The following IBTK variants were observed in gnomAD, a reference collection of about 807,000 sequenced individuals.
The protein encoded by IBTK is inhibitor of Bruton tyrosine kinase, also known as BTK-binding protein.
Under a neutral mutation model 154.9 loss-of-function variants are expected in IBTK, and 83 were observed. The observed-to-expected ratio is 0.54, with a 90% CI of 0.45 to 0.64. The LOEUF is 0.64. IBTK is among the 30% of genes least tolerant of loss of function. The pLI, the probability that IBTK is intolerant of heterozygous loss-of-function variation, is 0.00. For missense variants in IBTK, 1,332 were observed against 1,584.6 expected (o/e 0.84, Z 2.71); for synonymous variants, 515 against 536.1 (o/e 0.96, Z 0.54).
intron 26 of IBTK, among the ~76,000 whole-genome samples, chr6:82,176,307 G>T (rs368433207): frequency 6.6e-6 from 1 of 152,122 alleles, no homozygotes; most frequent in South Asian, 2.1e-4. Context: ...GATCACCTGA[G>T]GTCAGGAGTT....
rs1356588002 is a variant in IBTK at position 82,170,085 on chromosome 6, A to G, written c.*1340T>C. On this transcript the variant is annotated 3_prime_UTR_variant, in exon 29 of 29. Coordinates refer to ENST00000306270, the MANE Select transcript of IBTK (RefSeq NM_015525.4). ...CACATACAAAAATTCACAAGTTCAT[A>G]TTTAGAAAACTGCCTTTTTAAATCC... 6.6e-6 allele frequency: 1 copy of G among 152,260 alleles called. No homozygotes were observed. Among genetic ancestry groups the G allele is most frequent in the Non-Finnish European group, 1.5e-5 (1 of 68,048 alleles). 9.4% of individuals were successfully genotyped at this position (152,260 alleles called of 1,614,324 possible).
chr6:82,175,111 T>A (rs1413117011), intron 26 of IBTK: 2 of 375,832 alleles, frequency 5.3e-6, no homozygotes, highest in African/African-American at 4.2e-5. Context: ...TTCATCTTTG[T>A]ATCTCAGTGT....
intron 15 of IBTK, 124 bp from the exon 16 acceptor site, chr6:82,211,034 A>G: frequency 2.1e-6 from 1 of 485,540 alleles, no homozygotes. Flanking sequence ...CAAAACATAA[A>G]ATTTACAAAA....
Position 82,247,711 on chromosome 6 carries a change from T to G in IBTK, c.-507A>C. On this transcript the variant is annotated 5_prime_UTR_variant, in exon 1 of 29. Coordinates refer to ENST00000306270, the MANE Select transcript of IBTK (RefSeq NM_015525.4). ...GGGTCAGTTCGGCAGGCGGCTGCAATACAGCCGCTACTACAGGAATCGGGA... is the reference window on the plus strand; with the variant it reads ...GGGTCAGTTCGGCAGGCGGCTGCAAGACAGCCGCTACTACAGGAATCGGGA... 1 of 398,180 alleles carries G rather than the reference T, an allele frequency of 2.5e-6. No homozygotes were observed. Among genetic ancestry groups the G allele is most frequent in the Admixed American group, 4.4e-5 (1 of 22,708 alleles). The allele number at this position is 398,180 out of a possible 1,614,324, so 24.7% of individuals were successfully genotyped here. A position where few individuals can be genotyped will look rare whatever the true frequency, so the allele number is the denominator to read the frequency against.
At chr6:82,236,082 C>A (rs766017976) in intron 2 of IBTK, among the ~76,000 whole-genome samples, 1 of 152,188 alleles carries the variant, frequency 6.6e-6, no homozygotes, top group Non-Finnish European at 1.5e-5. Flanking sequence ...CCATGTTGCC[C>A]AGGCTGGTTT....
rs1769861596 is a variant in IBTK, at chr6:82,216,099, G to C, written c.1578C>G (p.Ile526Met). 1.2e-6 allele frequency: 2 copies of C among 1,609,536 alleles called. No individual in the cohort carries two copies. Among genetic ancestry groups the C allele is most frequent in the Non-Finnish European group, 1.7e-6 (2 of 1,178,800 alleles). The change falls in exon 11 of 29, where the codon ATC (isoleucine) becomes ATG (methionine). Residue 526 changes from isoleucine to methionine, a missense_variant. Around this residue, in one of 3 missense-constraint regions of IBTK, gnomAD observed 1,134 missense variants for 1,274.7 expected, o/e 0.89. Coordinates refer to ENST00000306270, the MANE Select transcript of IBTK (RefSeq NM_015525.4). ...STDPSGCNFA[I>M]LQSDPKTSLY... ...ACCTTGTTTTAGGATCTGACTGCAG[G>C]ATTGCAAAGTTGCATCCACTTGGAT... is the stretch of plus-strand genomic sequence containing the variant.
At chr6:82,195,864 T>C (rs1490517624) in intron 22 of IBTK, among the ~76,000 whole-genome samples, 2 of 152,178 alleles carry the variant, frequency 1.3e-5, no homozygotes, top group African/African-American at 4.8e-5. Flanking sequence ...TCAAATCATT[T>C]CCAAATTGTT....
chr6:82,223,561 G>C lies in IBTK; in HGVS notation c.1003C>G (p.Leu335Val). The change falls in exon 8 of 29, where the codon CTT (leucine) becomes GTT (valine). Residue 335 changes from leucine (L) to valine (V), a missense_variant. Leu to Val is a conservative substitution (Grantham distance 32, BLOSUM62 1). Transcript: ENST00000306270. ...CVTAPRQVSA[L>V]HHKDIALSLV... ...GACAGAGCAATGTCTTTATGGTGAA[G>C]GGCAGAGACCTGACGAGGAGCAGTT... 2 of 1,614,100 alleles carry C rather than the reference G, an allele frequency of 1.2e-6. No homozygotes were observed. Among genetic ancestry groups the C allele is most frequent in the Non-Finnish European group, 1.7e-6 (2 of 1,179,936 alleles).
rs376172634 is a variant in IBTK at position 82,240,449 on chromosome 6, C to A, written c.38G>T (p.Arg13Leu). 2 of 1,613,874 alleles carry A rather than the reference C, an allele frequency of 1.2e-6. No homozygotes were observed. The highest frequency in any genetic ancestry group is 1.7e-6 in the Non-Finnish European group (2 of 1,180,010). Residue 13 changes from arginine (R) to leucine (L), a missense_variant, in exon 2 of 29, where the codon CGA becomes CTA. Coordinates refer to ENST00000306270, the MANE Select transcript of IBTK (RefSeq NM_015525.4). Reference sequence around the variant, plus strand: ...GACATCCAAAGCATGCTTCAGGGATCGACACTTTGATGTGCAGTCAGGCAT... The same window carrying A: ...GACATCCAAAGCATGCTTCAGGGATAGACACTTTGATGTGCAGTCAGGCAT... Reference protein sequence around the residue: ...SPMPDCTSKCRSLKHALDVLS... With the variant: ...SPMPDCTSKCLSLKHALDVLS...
At position 82,240,223 on chromosome 6, in the gene IBTK, T is replaced by C. The variant is rs774359343; in HGVS notation, c.264A>G (p.Thr88=). 2.5e-6 allele frequency: 4 copies of C among 1,614,252 alleles called. No homozygotes were observed. Among genetic ancestry groups the C allele is most frequent in the Non-Finnish European group, 3.4e-6 (4 of 1,180,034 alleles). The stretch of plus-strand genomic sequence containing the variant: ...CATAAAAAATGCTTCTGTGCAATGC[T>C]GTCCATCCAGACTCTTTGTCTTTCA... ...LLVKDKESGW[T]ALHRSIFYGH... The change falls in exon 2 of 29, where the codon ACA becomes ACG. Residue 88 remains threonine, a synonymous_variant. Coordinates refer to ENST00000306270, the MANE Select transcript of IBTK (RefSeq NM_015525.4).
Position 82,220,676 on chromosome 6 carries a change from G to C in IBTK, c.1162C>G (p.His388Asp). The change falls in exon 9 of 29, where the codon CAT becomes GAT. Residue 388 changes from histidine (H) to aspartate (D), a missense_variant. His to Asp is a moderately conservative substitution (Grantham distance 81, BLOSUM62 -1). This residue lies in a region of IBTK where 1,134 missense variants were observed against 1,274.7 expected (regional missense o/e 0.89). Coordinates refer to ENST00000306270, the MANE Select transcript of IBTK (RefSeq NM_015525.4). ...TCAGGATCAACCTTGTATTCCATAT[G>C]ACCCCCAGACACAAGAACTTTTTTC... ...NLKKVLVSGG[H>D]MEYKVDPEHL... 6.3e-7 allele frequency: 1 copy of C among 1,596,924 alleles called. No homozygotes were observed. The highest frequency in any genetic ancestry group is 2.3e-5 in the East Asian group (1 of 44,236).
chr6:82,238,925 G>A (rs1014820797), intron 2 of IBTK, among the ~76,000 whole-genome samples: 1 of 151,526 alleles, frequency 6.6e-6, no homozygotes, highest in East Asian at 2.0e-4. Flanking sequence ...TTTTAGTAGA[G>A]ATGGCGTTTT....
chr6:82,231,630 G>C (rs764289141), intron 4 of IBTK, 88 bp downstream of exon 4: 8 of 977,168 alleles, frequency 8.2e-6, no homozygotes, highest in South Asian at 2.2e-5. Flanking sequence ...CTGAAACAAA[G>C]TTATGTAATC....
Position 82,231,818 on chromosome 6 carries a change from C to T in IBTK, c.443G>A (p.Gly148Asp), listed in dbSNP as rs1333481656. Residue 148 changes from glycine to aspartate, a missense_variant, in exon 4 of 29, where the codon GGC (glycine) becomes GAC (aspartate). Physicochemically the swap from Gly to Asp is moderately conservative, Grantham distance 94 (BLOSUM62 -1). Coordinates refer to ENST00000306270, the MANE Select transcript of IBTK (RefSeq NM_015525.4). ...ACCCAGGGTAAAATTTGTATTATCG[C>T]CCCAAGTATAAACATCTGTAGGATC... The part of the protein sequence containing the change: ...NTDPTDVYTW[G>D]DNTNFTLGHG... 7 of 1,591,454 alleles carry T rather than the reference C, an allele frequency of 4.4e-6. No homozygotes were observed. The highest frequency in any genetic ancestry group is 6.0e-6 in the Non-Finnish European group (7 of 1,163,022).
In IBTK at chr6:82,218,084, A is replaced by T; in HGVS notation, c.1302T>A (p.Tyr434Ter). 1 of 1,609,748 alleles carries T rather than the reference A, an allele frequency of 6.2e-7. No homozygotes were observed. Among genetic ancestry groups the T allele is most frequent in the Non-Finnish European group, 8.5e-7 (1 of 1,178,214 alleles). ...NSSLKQCRWAYPRQVFISDIA... is the reference protein window; with the variant it reads ...NSSLKQCRWA ...TATCAGAAATGAAGACCTGACGTGG[A>T]TAGGCCCATCGACACTGCTTCAGAG... The change falls in exon 10 of 29, where the codon TAT becomes TAA. Residue 434 changes from tyrosine to a stop codon, truncating the protein, a stop_gained. Coordinates refer to ENST00000306270, the MANE Select transcript of IBTK (RefSeq NM_015525.4). LOFTEE classifies it high-confidence loss of function.
chr6:82,234,130 CG>C (rs1562106176), intron 3 of IBTK, 28 bp downstream of exon 3: 1 of 1,166,444 alleles, frequency 8.6e-7, no homozygotes, highest in Admixed American at 1.8e-5. Context: ...TGAGCCGCAG[CG>C]CCCAGCCCAT....
intron 1 of IBTK, among the ~76,000 whole-genome samples, chr6:82,243,238 C>CAAAA (rs200210329): frequency 1.6e-5 from 1 of 60,808 alleles, no homozygotes. Context: ...GACTCTGTCT[C>CAAAA]AAAAAAAAAA....
chr6:82,244,711 G>A (rs974460715), intron 1 of IBTK, among the ~76,000 whole-genome samples: 7 of 151,892 alleles, frequency 4.6e-5, no homozygotes, highest in African/African-American at 1.7e-4. Context: ...TCTTATCTAT[G>A]CATTCAAAAA....
intron 1 of IBTK, among the ~76,000 whole-genome samples, chr6:82,241,059 C>G (rs1013018819): frequency 6.6e-6 from 1 of 152,162 alleles, no homozygotes; most frequent in Non-Finnish European, 1.5e-5. Context: ...TTTGCAACCT[C>G]TGGCATAAAC....
Sources: allele counts gnomAD v4.1 joint callset (sites outside exome capture counted in the v4.1 genomes callset), GRCh38; gene constraint gnomAD v4.1.1; regional missense constraint gnomAD v4.1.1; transcripts MANE v1.5; gene names NCBI Gene and HGNC (gene_info 2026-07-23, HGNC 2026-07-21).